DCDC1: variants seen among roughly 807,000 people sequenced by gnomAD.
The protein encoded by DCDC1 is doublecortin domain containing 1, also known as doublecortin domain-containing protein 1.
DCDC1 carries 200 observed loss-of-function variants against 178.3 expected under a neutral mutation model. That is an observed-to-expected ratio of 1.12 (90% CI 1.00 to 1.26). DCDC1 has a LOEUF of 1.26. Among genes scored for constraint, DCDC1 ranks in the 50% most tolerant of loss-of-function variants. The pLI is 0.00. For missense variants in DCDC1, 1,983 were observed against 1,749.2 expected (o/e 1.13, Z -2.38); for synonymous variants, 690 against 604.8 (o/e 1.14, Z -2.07).
intron 17 of DCDC1, among the ~76,000 whole-genome samples, chr11:31,080,991 T>C (rs1321695132): frequency 6.6e-6 from 1 of 152,238 alleles, no homozygotes; most frequent in East Asian, 1.9e-4. Context: ...TGATGAATTA[T>C]GCTGATTTGA....
At chr11:30,975,676 G>A (rs1950063143) in intron 20 of DCDC1, among the ~76,000 whole-genome samples, 1 of 151,698 alleles carries the variant, frequency 6.6e-6, no homozygotes, top group African/African-American at 2.4e-5. Flanking sequence ...ACTTCTACAA[G>A]GAAAACAACA....
In DCDC1 at chr11:30,931,946, C is replaced by A; in HGVS notation, c.2722G>T (p.Asp908Tyr). 1.2e-6 allele frequency: 2 copies of A among 1,600,788 alleles called. No individual in the cohort carries two copies. Among genetic ancestry groups the A allele is most frequent in the Non-Finnish European group, 1.7e-6 (2 of 1,175,212 alleles). The change falls in exon 22 of 39, where the codon GAT becomes TAT. Residue 908 changes from aspartate (D) to tyrosine (Y), a missense_variant. Transcript: ENST00000684477. ...LPSGQLNEEFDWPIQGLLVPS... is the reference protein window; with the variant it reads ...LPSGQLNEEFYWPIQGLLVPS... ...ACAAGCAGTCCTTGTATTGGCCAATCAAACTCCTTCAGAAAGAAATGACAA... is the reference window on the plus strand; with the variant it reads ...ACAAGCAGTCCTTGTATTGGCCAATAAAACTCCTTCAGAAAGAAATGACAA...
At chr11:30,888,064 G>GAAAGAAAGAAAGAA (rs1565029139) in intron 36 of DCDC1, among the ~76,000 whole-genome samples, 8 of 74,364 alleles carry the variant, frequency 1.1e-4, no homozygotes, top group African/African-American at 4.6e-4. Flanking sequence ...GAAAGAAAGA[G>GAAAGAAAGAAAGAA]AGAGAGAGAG....
At position 30,900,361 on chromosome 11, in the gene DCDC1, A is replaced by G; in HGVS notation, c.4648T>C (p.Phe1550Leu). 1.3e-6 allele frequency: 2 copies of G among 1,539,338 alleles called. No homozygotes were observed. Among genetic ancestry groups the G allele is most frequent in the Non-Finnish European group, 1.8e-6 (2 of 1,142,612 alleles). The change falls in exon 33 of 39, where the codon TTT (phenylalanine) becomes CTT (leucine). Residue 1550 changes from phenylalanine (F) to leucine (L), a missense_variant. Phe to Leu is a conservative substitution (Grantham distance 22, BLOSUM62 0). Transcript: ENST00000684477. ...IAIWVSCGEPFLPPNALQKAE... is the reference protein window; with the variant it reads ...IAIWVSCGEPLLPPNALQKAE... ...AAAAAGTTACCATTTGGAGGTAGAAATGGTTCACCACAAGACACCCAGATG... is the reference window on the plus strand; with the variant it reads ...AAAAAGTTACCATTTGGAGGTAGAAGTGGTTCACCACAAGACACCCAGATG...
chr11:31,097,413 T>C (rs1192029429), intron 15 of DCDC1, among the ~76,000 whole-genome samples: 4 of 152,212 alleles, frequency 2.6e-5, no homozygotes, highest in East Asian at 3.8e-4. Flanking sequence ...AAATTTTACA[T>C]GATGTTCATT....
At chr11:31,068,489 CA>C (rs1275975909) in intron 18 of DCDC1, among the ~76,000 whole-genome samples, 1 of 151,968 alleles carries the variant, frequency 6.6e-6, no homozygotes, top group African/African-American at 2.4e-5. Context: ...ATGTGGATGT[CA>C]GTATGAAAAG....
At chr11:31,290,218 C>T (rs1001063305) in intron 7 of DCDC1, among the ~76,000 whole-genome samples, 1 of 151,882 alleles carries the variant, frequency 6.6e-6, no homozygotes, top group African/African-American at 2.4e-5. Flanking sequence ...TGATTTGGGG[C>T]TTTGCTAATT....
intron 20 of DCDC1, among the ~76,000 whole-genome samples, chr11:30,981,968 C>T (rs907775834): frequency 2.0e-5 from 3 of 151,978 alleles, no homozygotes; most frequent in South Asian, 2.1e-4. Context: ...AGGCTTTCAA[C>T]CATCTTTTAG....
intron 20 of DCDC1, among the ~76,000 whole-genome samples, chr11:31,054,599 T>C (rs1262143736): frequency 6.6e-6 from 1 of 152,176 alleles, no homozygotes; most frequent in South Asian, 2.1e-4. Flanking sequence ...TATAAGGCCA[T>C]AGTCACCAAA....
chr11:30,899,142 A>C (rs1944463384), intron 34 of DCDC1, among the ~76,000 whole-genome samples: 1 of 150,214 alleles, frequency 6.7e-6, no homozygotes, highest in East Asian at 1.9e-4. Flanking sequence ...CAAAAAAACA[A>C]AAAAAAAAAC....
intron 9 of DCDC1, among the ~76,000 whole-genome samples, chr11:31,141,246 T>C (rs1963790039): frequency 6.6e-6 from 1 of 152,196 alleles, no homozygotes; most frequent in Admixed American, 6.5e-5. Flanking sequence ...AAAAATACTA[T>C]AGTAACTCTA....
At chr11:31,081,695 A>G (rs547824643) in intron 17 of DCDC1, among the ~76,000 whole-genome samples, 3 of 152,196 alleles carry the variant, frequency 2.0e-5, no homozygotes, top group Non-Finnish European at 4.4e-5. Context: ...TCAAGCTTCA[A>G]TTCTGTTCTG....
At chr11:30,923,818 C>T (rs163885) in intron 23 of DCDC1, among the ~76,000 whole-genome samples, 102,732 of 151,608 alleles carry the variant, frequency 0.68, 35,167 homozygotes, top group Middle Eastern at 0.79. Context: ...GGTTTCGCCA[C>T]GTTGCTCAGG....
chr11:30,884,033 A>ATT (rs59940255), intron 36 of DCDC1, among the ~76,000 whole-genome samples: 1 of 95,784 alleles, frequency 1.0e-5, no homozygotes, highest in Non-Finnish European at 2.0e-5. Flanking sequence ...ATTCTTTCTC[A>ATT]TTTTTTTTTT....
At chr11:31,350,386 A>G (rs192621648) in intron 1 of DCDC1, among the ~76,000 whole-genome samples, 2 of 152,260 alleles carry the variant, frequency 1.3e-5, no homozygotes, top group Admixed American at 1.3e-4. Flanking sequence ...ACATTTAATT[A>G]AAAGAAGAAA....
At chr11:30,973,039 A>C (rs542025048) in intron 20 of DCDC1, among the ~76,000 whole-genome samples, 1 of 152,064 alleles carries the variant, frequency 6.6e-6, no homozygotes, top group Non-Finnish European at 1.5e-5. Flanking sequence ...TTGGGGGCTG[A>C]AGTGGGTGGA....
intron 20 of DCDC1, among the ~76,000 whole-genome samples, chr11:31,045,509 C>G (rs1954787193): frequency 6.6e-6 from 1 of 151,822 alleles, no homozygotes; most frequent in Admixed American, 6.6e-5. Context: ...TAGAAGTATG[C>G]TAAATACCTC....
rs368849053 is a variant in DCDC1 at position 31,119,442 on chromosome 11, T to C, written c.1485+8027A>G. ...ATAATTTAGGTGACATAACAGAGCA[T>C]CCTAGGGGTTATAAATACATGTTTA... On this transcript the variant is annotated intron_variant, in intron 11 of 38. Coordinates refer to ENST00000684477, the MANE Select transcript of DCDC1 (RefSeq NM_001387274.1). 5.3e-5 allele frequency among the ~76,000 whole-genome samples: 8 copies of C among 152,204 alleles called. No individual in the cohort carries two copies. In the East Asian group the frequency reaches 1.2e-3, roughly 22 times the overall value.
intron 8 of DCDC1, 69 bp from the exon 9 acceptor site, chr11:31,241,685 A>G (rs1977152002): frequency 5.1e-6 from 2 of 394,378 alleles, no homozygotes; most frequent in East Asian, 7.2e-5. Context: ...CCTGGAACAC[A>G]GCCCCAATAC....
Sources: gnomAD v4.1 joint callset for allele counts (sites outside exome capture counted in the v4.1 genomes callset) on GRCh38, gnomAD v4.1.1 for gene constraint, MANE v1.5 for transcripts, NCBI Gene and HGNC (gene_info 2026-07-23, HGNC 2026-07-21) for gene names.